The following TASP1 variants were observed in gnomAD, a reference collection of about 807,000 sequenced individuals.
TASP1 encodes the protein taspase 1, also known as threonine aspartase 1.
A neutral mutation model predicts 56.6 loss-of-function variants in TASP1; 16 were observed. The observed-to-expected ratio is 0.28, with a 90% CI of 0.19 to 0.43. TASP1 has a LOEUF of 0.43. TASP1 is among the 20% of genes least tolerant of loss of function. The pLI is 1.00. For synonymous variants in TASP1, 179 were observed against 184.2 expected (o/e 0.97, Z 0.23); for missense variants, 393 against 511.6 (o/e 0.77, Z 2.24).
At chr20:13,153,744 C>T in the TASP1 span, among the ~76,000 whole-genome samples, 1 of 152,274 alleles carries the variant, frequency 6.6e-6, no homozygotes, top group South Asian at 2.1e-4. Flanking sequence ...CCCACCAGCC[C>T]TCTAGCGTAT....
At chr20:13,510,460 C>T (rs1227906641) in intron 10 of TASP1, among the ~76,000 whole-genome samples, 2 of 152,186 alleles carry the variant, frequency 1.3e-5, no homozygotes, top group African/African-American at 2.4e-5. Flanking sequence ...TTTTTATCTA[C>T]TATATTTGAT....
chr20:13,616,985 C>T (rs984849225), intron 4 of TASP1: 3 of 447,148 alleles, frequency 6.7e-6, no homozygotes, highest in African/African-American at 2.0e-5. Context: ...CTCCCATCTG[C>T]GTACAGCTCT....
At chr20:13,320,357 A>C in the TASP1 span, among the ~76,000 whole-genome samples, 5 of 152,304 alleles carry the variant, frequency 3.3e-5, no homozygotes, top group Non-Finnish European at 5.9e-5. Context: ...TTAACCCTAA[A>C]AGCATTGACT....
chr20:13,282,267 G>A, the TASP1 span, among the ~76,000 whole-genome samples: 17 of 152,214 alleles, frequency 1.1e-4, no homozygotes, highest in African/African-American at 3.6e-4. Context: ...TGTTCAGCCC[G>A]GGTTGAAGGC....
chr20:13,561,067 G>C (rs2046329258), intron 7 of TASP1, among the ~76,000 whole-genome samples: 1 of 152,132 alleles, frequency 6.6e-6, no homozygotes, highest in Non-Finnish European at 1.5e-5. Flanking sequence ...TCAAAGTGCT[G>C]AAACAACAAA....
At chr20:13,425,837 A>G (rs1472380667) in intron 12 of TASP1, among the ~76,000 whole-genome samples, 1 of 152,102 alleles carries the variant, frequency 6.6e-6, no homozygotes, top group Admixed American at 6.6e-5. Context: ...AAATGCAAAG[A>G]CGCTTTACTG....
At chr20:13,131,291 T>TA in the TASP1 span, among the ~76,000 whole-genome samples, 2 of 152,206 alleles carry the variant, frequency 1.3e-5, no homozygotes, top group Admixed American at 1.3e-4. Flanking sequence ...TCAGAGAAGA[T>TA]AGAGTTTGTA....
the TASP1 span, among the ~76,000 whole-genome samples, chr20:13,347,789 C>T: frequency 6.6e-6 from 1 of 151,618 alleles, no homozygotes; most frequent in Admixed American, 6.6e-5. Context: ...TTTTAGTAAG[C>T]CAAGATCTCG....
chr20:13,377,610 C>T, the TASP1 span, among the ~76,000 whole-genome samples: 1 of 152,190 alleles, frequency 6.6e-6, no homozygotes, highest in Non-Finnish European at 1.5e-5. Context: ...GGAGGATTCC[C>T]TCTTTTTCTA....
the TASP1 span, among the ~76,000 whole-genome samples, chr20:13,297,383 C>T: frequency 4.4e-4 from 67 of 152,158 alleles, no homozygotes; most frequent in Non-Finnish European, 7.4e-4. Flanking sequence ...TGCTCCACAC[C>T]CTGTATTAGC....
At chr20:13,622,956 G>A (rs1362270602) in intron 4 of TASP1, among the ~76,000 whole-genome samples, 3 of 152,004 alleles carry the variant, frequency 2.0e-5, no homozygotes, top group Admixed American at 6.6e-5. Flanking sequence ...TCAATTATTC[G>A]ATGTCCACAG....
chr20:13,231,654 T>C, the TASP1 span, among the ~76,000 whole-genome samples: 1 of 152,206 alleles, frequency 6.6e-6, no homozygotes, highest in Admixed American at 6.5e-5. Context: ...GCCTGACTCA[T>C]GCACATTTTA....
chr20:13,638,596 G>A (rs1233656111), intron 1 of TASP1, among the ~76,000 whole-genome samples: 1 of 152,178 alleles, frequency 6.6e-6, no homozygotes, highest in Non-Finnish European at 1.5e-5. Flanking sequence ...TGCAAAGTGG[G>A]TGAAGAACTG....
At chr20:13,225,803 C>T in the TASP1 span, among the ~76,000 whole-genome samples, 1 of 152,100 alleles carries the variant, frequency 6.6e-6, no homozygotes, top group East Asian at 1.9e-4. Context: ...ATAAGTTTGT[C>T]TCATATTAAT....
the TASP1 span, among the ~76,000 whole-genome samples, chr20:13,301,291 C>T: frequency 1.3e-5 from 2 of 152,092 alleles, no homozygotes; most frequent in Admixed American, 1.3e-4. Context: ...TGAGTTCAAG[C>T]GATTCTCGTG....
chr20:13,567,680 T>C (rs1164412154), intron 7 of TASP1, among the ~76,000 whole-genome samples: 2 of 151,936 alleles, frequency 1.3e-5, no homozygotes, highest in Admixed American at 6.6e-5. Context: ...TGCATAATAA[T>C]AGCAAGACTG....
chr20:13,212,939 C>T, the TASP1 span, among the ~76,000 whole-genome samples: 3,099 of 152,222 alleles, frequency 0.02, 54 homozygotes, highest in Non-Finnish European at 0.031. Flanking sequence ...GTGAAATCCT[C>T]GCCACAAGCA....
At chr20:13,509,506 A>T (rs893365423) in intron 10 of TASP1, among the ~76,000 whole-genome samples, 12 of 152,200 alleles carry the variant, frequency 7.9e-5, no homozygotes, top group African/African-American at 2.9e-4. Context: ...ACACCAAAAA[A>T]GGTAACTATG....
chr20:13,352,603 G>T, the TASP1 span, among the ~76,000 whole-genome samples: 2 of 152,148 alleles, frequency 1.3e-5, no homozygotes, highest in Non-Finnish European at 2.9e-5. Flanking sequence ...GCAGTCAGAA[G>T]ACACACCACT....
Sources: allele counts gnomAD v4.1 joint callset (sites outside exome capture counted in the v4.1 genomes callset), GRCh38; gene constraint gnomAD v4.1.1; transcripts MANE v1.5; gene names NCBI Gene and HGNC (gene_info 2026-07-23, HGNC 2026-07-21).